Variants in POLN observed in about 807,000 individuals in gnomAD.
The protein encoded by POLN is DNA polymerase N.
A neutral mutation model predicts 113.5 loss-of-function variants in POLN; 108 were observed. The ratio of observed to expected loss-of-function variants is 0.95; its 90% CI spans 0.81 to 1.12. The LOEUF is 1.12. Ranked by LOEUF, POLN falls within the 50% of genes most tolerant of loss-of-function variation. The probability of loss-of-function intolerance (pLI) is 0.00; values close to 1 mark genes in which losing one functional copy is unlikely to be tolerated. For synonymous variants in POLN, 386 were observed against 391.5 expected, an observed-to-expected ratio of 0.99 and a Z score of 0.17; for missense variants, 1,097 against 1,077.1, an observed-to-expected ratio of 1.02 and a Z score of -0.26.
At chr4:2,154,344 C>T (rs1311163974) in intron 16 of POLN, among the ~76,000 whole-genome samples, 1 of 151,808 alleles carries the variant, frequency 6.6e-6, no homozygotes, top group African/African-American at 2.4e-5. Flanking sequence ...AAGAGCTTTT[C>T]CATACCAATA....
At chr4:2,210,631 A>T (rs1043944016) in intron 4 of POLN, among the ~76,000 whole-genome samples, 1 of 79,998 alleles carries the variant, frequency 1.3e-5, no homozygotes. Context: ...TAATAATAAT[A>T]AAAAAAAGAG....
intron 4 of POLN, among the ~76,000 whole-genome samples, chr4:2,209,656 C>CT (rs1733940917): frequency 7.6e-6 from 1 of 131,974 alleles, no homozygotes; most frequent in Non-Finnish European, 1.6e-5. Flanking sequence ...CTTTCCTTTT[C>CT]CTTTTTTTTT....
At chr4:2,227,698 T>A (rs893484260) in intron 3 of POLN, 6 of 152,202 alleles carry the variant, frequency 3.9e-5, no homozygotes, top group African/African-American at 1.4e-4. Context: ...ACTCCTGGGC[T>A]CAAGTGATCG....
intron 16 of POLN, among the ~76,000 whole-genome samples, chr4:2,152,282 C>A (rs143518475): frequency 6.6e-6 from 1 of 151,512 alleles, no homozygotes; most frequent in Non-Finnish European, 1.5e-5. Context: ...AAGAGATCTG[C>A]CCACCTCAGC....
At chr4:2,130,617 T>C (rs1456157083) in intron 17 of POLN, among the ~76,000 whole-genome samples, 1 of 152,216 alleles carries the variant, frequency 6.6e-6, no homozygotes, top group East Asian at 1.9e-4. Flanking sequence ...CCAGTAATGT[T>C]CAAACTTTAA....
At chr4:2,210,609 TAATAATAATAATAATAATAATAAA>T (rs1364860723) in intron 4 of POLN, among the ~76,000 whole-genome samples, 7 of 133,444 alleles carry the variant, frequency 5.2e-5, no homozygotes, top group East Asian at 2.2e-4. Flanking sequence ...ATAATAATAA[TAATAATAATAATAATAATAATAAA>T]AAAAAGAGGC....
intron 8 of POLN, among the ~76,000 whole-genome samples, chr4:2,178,704 C>G (rs1324301996): frequency 6.6e-6 from 1 of 152,128 alleles, no homozygotes; most frequent in South Asian, 2.1e-4. Flanking sequence ...CTCTGCCTCC[C>G]AGGTTCAAGC....
At chr4:2,080,780 G>A in intron 23 of POLN, 178 bp downstream of exon 23, 1 of 1,468,208 alleles carries the variant, frequency 6.8e-7, no homozygotes. Flanking sequence ...ATGGCTGGTT[G>A]TTGTCTGCAT....
chr4:2,101,962 G>A (rs577026127), intron 19 of POLN, among the ~76,000 whole-genome samples: 78 of 152,296 alleles, frequency 5.1e-4, no homozygotes, highest in African/African-American at 1.7e-3. Flanking sequence ...TGAGTCAGCT[G>A]TGACAGCTGG....
chr4:2,083,736 G>A (rs1730485125), intron 21 of POLN, among the ~76,000 whole-genome samples: 2 of 152,238 alleles, frequency 1.3e-5, no homozygotes, highest in Admixed American at 1.3e-4. Context: ...GGGGACCACA[G>A]GAACACCAGC....
chr4:2,101,813 C>T (rs183040503), intron 19 of POLN, among the ~76,000 whole-genome samples: 56 of 152,334 alleles, frequency 3.7e-4, no homozygotes, highest in Admixed American at 2.0e-3. Flanking sequence ...CAGCCACCAT[C>T]GTTGAAAGTA....
chr4:2,181,744 C>T (rs573209053), intron 7 of POLN, among the ~76,000 whole-genome samples: 72 of 152,002 alleles, frequency 4.7e-4, no homozygotes, highest in African/African-American at 1.6e-3. Context: ...TTTGGGAGGC[C>T]GAAGCAGGCA....
At position 2,126,013 on chromosome 4, in the gene POLN, G is replaced by A. The variant is rs1731570374; in HGVS notation, c.1982+2100C>T. On this transcript the variant is annotated intron_variant, in intron 19 of 25. Transcript: ENST00000511885. The surrounding 1 kb of genome is among the most constrained non-coding windows in gnomAD (Gnocchi z 4.6). ...CAGAGGGTAAGGTGCAGGGTCTAAGGAGGAGGACAGAGGACAGGAGAGAAC... is the reference window on the plus strand; with the variant it reads ...CAGAGGGTAAGGTGCAGGGTCTAAGAAGGAGGACAGAGGACAGGAGAGAAC... Among the ~76,000 whole-genome samples, 2 of 152,290 alleles carry A rather than the reference G, an allele frequency of 1.3e-5. No individual in the cohort carries two copies. The highest frequency in any genetic ancestry group is 4.1e-4 in the South Asian group (2 of 4,822).
intron 7 of POLN, among the ~76,000 whole-genome samples, chr4:2,189,248 A>G (rs976028639): frequency 6.6e-6 from 1 of 152,258 alleles, no homozygotes; most frequent in African/African-American, 2.4e-5. Context: ...ATAAGGAAAT[A>G]AGACACAACT....
chr4:2,218,207 G>A (rs776037132), intron 3 of POLN, among the ~76,000 whole-genome samples: 3 of 151,210 alleles, frequency 2.0e-5, no homozygotes, highest in Admixed American at 6.6e-5. Context: ...CAAGGCAGGC[G>A]GATCATCTAA....
chr4:2,153,305 A>G (rs914978316), intron 16 of POLN, among the ~76,000 whole-genome samples: 8 of 152,248 alleles, frequency 5.3e-5, no homozygotes, highest in African/African-American at 9.6e-5. Flanking sequence ...ATATGGATAT[A>G]CAAGCTCTAG....
chr4:2,176,392 A>G (rs1732997266), intron 8 of POLN, 58 bp from the exon 9 acceptor site: 1 of 1,280,224 alleles, frequency 7.8e-7, no homozygotes, highest in East Asian at 2.4e-5. Context: ...AGTGCTCACC[A>G]CAGTCTGTAA....
At chr4:2,238,524 A>G (rs1405489845) in intron 2 of POLN, 2 of 962,472 alleles carry the variant, frequency 2.1e-6, no homozygotes, top group Non-Finnish European at 1.4e-6. Flanking sequence ...AAAACTTCCA[A>G]AATTTTAGCT....
chr4:2,148,674 A>ACC (rs1732213793), intron 16 of POLN, among the ~76,000 whole-genome samples: 3 of 5,790 alleles, frequency 5.2e-4, no homozygotes, highest in African/African-American at 7.1e-4. Context: ...CCCCCCCCCA[A>ACC]AAAAAAAAAG....
Sources: gnomAD v4.1 joint callset for allele counts (sites outside exome capture counted in the v4.1 genomes callset) on GRCh38, gnomAD v4.1.1 for gene constraint, Gnocchi (gnomAD v3.1) non-coding constraint, MANE v1.5 for transcripts, NCBI Gene and HGNC (gene_info 2026-07-23, HGNC 2026-07-21) for gene names.